The following UNC80 variants were observed in gnomAD, a reference collection of about 807,000 sequenced individuals.
UNC80 encodes the protein protein unc-80 homolog.
In UNC80, 164 loss-of-function variants were observed where a neutral mutation model predicts 384.6. The ratio of observed to expected loss-of-function variants is 0.43; its 90% confidence interval spans 0.38 to 0.49. The LOEUF is 0.49. Ranked by LOEUF, UNC80 falls within the 20% of genes least tolerant of loss-of-function variation. The pLI is 0.00. For synonymous variants in UNC80, 1,486 were observed against 1,527.8 expected (o/e 0.97, Z 0.64); for missense variants, 3,330 against 4,143.0 (o/e 0.80, Z 5.39).
At chr2:209,990,197 CTT>C (rs1315227494) in intron 61 of UNC80, among the ~76,000 whole-genome samples, 2 of 152,152 alleles carry the variant, frequency 1.3e-5, no homozygotes, top group Non-Finnish European at 2.9e-5. Flanking sequence ...ACATGCATTT[CTT>C]TTCTTTTCTT....
At chr2:209,960,450 ATTGT>A (rs969454776) in intron 51 of UNC80, among the ~76,000 whole-genome samples, 1 of 152,150 alleles carries the variant, frequency 6.6e-6, no homozygotes, top group African/African-American at 2.4e-5. Context: ...CAGATTTGTA[ATTGT>A]TTGTTAAGGG....
rs959290440 is a variant in UNC80 at position 209,782,584 on chromosome 2, G to C, written c.601-3482G>C. Reference sequence around the variant, plus strand: ...GTTTGTAGGAATTATCATTGTACCCGTGGTAGCTAACATAGTATCTGTGTT... The same window carrying C: ...GTTTGTAGGAATTATCATTGTACCCCTGGTAGCTAACATAGTATCTGTGTT... On this transcript the variant is annotated intron_variant, in intron 4 of 64. Coordinates refer to ENST00000673920, the MANE Select transcript of UNC80 (RefSeq NM_001371986.1). 4.7e-4 allele frequency among the ~76,000 whole-genome samples: 71 copies of C among 151,534 alleles called. 1 individual carries two copies. Among genetic ancestry groups the C allele is most frequent in the Non-Finnish European group, 1.6e-4 (11 of 67,954 alleles).
intron 31 of UNC80, among the ~76,000 whole-genome samples, chr2:209,915,419 A>C (rs575859593): frequency 3.6e-4 from 54 of 151,622 alleles, no homozygotes; most frequent in Admixed American, 1.6e-3. Context: ...AAAAAAAAAA[A>C]AAAAACAAAA....
At chr2:209,889,235 T>C (rs1397542590) in intron 26 of UNC80, among the ~76,000 whole-genome samples, 1 of 152,228 alleles carries the variant, frequency 6.6e-6, no homozygotes, top group East Asian at 1.9e-4. Flanking sequence ...ATTTTTTCAA[T>C]AGATAAGAAT....
chr2:209,976,548 A>G lies in UNC80; in HGVS notation c.8772+245A>G, dbSNP rs991965878. Reference sequence around the variant, plus strand: ...TGTAAAACTTTGCCCGCTCCCTACTAATCATCCCCCACTCTACCCACCCAA... The same window carrying G: ...TGTAAAACTTTGCCCGCTCCCTACTGATCATCCCCCACTCTACCCACCCAA... On this transcript the variant is annotated intron_variant, in intron 57 of 64. Coordinates refer to ENST00000673920, the MANE Select transcript of UNC80 (RefSeq NM_001371986.1). This position sits in a 1 kb window ranked among gnomAD's most constrained non-coding sequence, Gnocchi z 4.3. Among the ~76,000 whole-genome samples, 1 of 152,166 alleles carries G rather than the reference A, an allele frequency of 6.6e-6. No individual in the cohort carries two copies. Among genetic ancestry groups the G allele is most frequent in the African/African-American group, 2.4e-5 (1 of 41,446 alleles).
At chr2:209,908,857 A>G (rs2088584572) in intron 29 of UNC80, among the ~76,000 whole-genome samples, 1 of 152,196 alleles carries the variant, frequency 6.6e-6, no homozygotes, top group Non-Finnish European at 1.5e-5. Flanking sequence ...TAAAGAGTCT[A>G]GGTTACCTTT....
intron 33 of UNC80, among the ~76,000 whole-genome samples, chr2:209,920,211 A>G (rs1334753177): frequency 1.3e-5 from 2 of 152,146 alleles, no homozygotes; most frequent in East Asian, 3.8e-4. Context: ...TCTACCTTTC[A>G]ACATAGGAAA....
intron 42 of UNC80, among the ~76,000 whole-genome samples, chr2:209,937,863 G>A (rs954000132): frequency 6.6e-6 from 1 of 152,012 alleles, no homozygotes; most frequent in African/African-American, 2.4e-5. Context: ...ATGAATTATT[G>A]AGTATAAATA....
chr2:209,829,579 C>G (rs1041481652), intron 15 of UNC80, among the ~76,000 whole-genome samples, 200 bp downstream of exon 15: 2 of 152,130 alleles, frequency 1.3e-5, no homozygotes, highest in African/African-American at 4.8e-5. Flanking sequence ...TGGAGGCTTT[C>G]TGAGGACAAC....
At chr2:209,912,330 T>G (rs2124941026) in intron 29 of UNC80, among the ~76,000 whole-genome samples, 1 of 152,284 alleles carries the variant, frequency 6.6e-6, no homozygotes, top group East Asian at 1.9e-4. Flanking sequence ...TCCTCAAAGG[T>G]CAAAGAGGAA....
chr2:209,818,501 C>A (rs1255509743), intron 11 of UNC80, among the ~76,000 whole-genome samples: 1 of 151,806 alleles, frequency 6.6e-6, no homozygotes, highest in Non-Finnish European at 1.5e-5. Flanking sequence ...AAATTTAGTC[C>A]CTCTTTGATC....
chr2:209,955,413 A>T (rs1030570186), intron 48 of UNC80, among the ~76,000 whole-genome samples: 24 of 151,962 alleles, frequency 1.6e-4, no homozygotes, highest in Non-Finnish European at 2.9e-4. Flanking sequence ...TATTGCCCAA[A>T]AGCCTTCTGT....
chr2:209,973,191 C>T lies in UNC80; in HGVS notation c.8508C>T (p.His2836=). The stretch of plus-strand genomic sequence containing the variant: ...TCATGTTAGAGAGCTCCCCAGCCCA[C>T]TGCTCCACCCCTGGGGATGCGGGGA... ...KNFMLESSPA[H]CSTPGDAGKD... Residue 2836 remains histidine, a synonymous_variant, in exon 56 of 65, where the codon CAC becomes CAT. Transcript: ENST00000673920. 6.4e-7 allele frequency: 1 copy of T among 1,551,704 alleles called. No individual in the cohort carries two copies. Among genetic ancestry groups the T allele is most frequent in the Non-Finnish European group, 8.7e-7 (1 of 1,147,010 alleles).
At chr2:209,807,715 C>T (rs1447830226) in intron 7 of UNC80, among the ~76,000 whole-genome samples, 1 of 152,104 alleles carries the variant, frequency 6.6e-6, no homozygotes, top group Non-Finnish European at 1.5e-5. Context: ...ACATGTTAGT[C>T]TGCTGGTTAA....
rs770458888 is a variant in UNC80 at position 209,877,995 on chromosome 2, T to C, written c.3882T>C (p.Ser1294=). The change falls in exon 24 of 65, where the codon AGT becomes AGC. Residue 1294 remains serine, a synonymous_variant. Transcript: ENST00000673920. ...VRLNELCHGE[S]ESPANLLGLI... ...TGAATGAGCTGTGCCACGGGGAAAG[T>C]GAGAGCCCAGCCAACCTGCTGGGTC... is the stretch of plus-strand genomic sequence containing the variant. 215 of 1,543,396 alleles carry C rather than the reference T, an allele frequency of 1.4e-4. No homozygotes were observed. The highest frequency in any genetic ancestry group is 8.2e-4 in the Admixed American group (41 of 49,742).
intron 26 of UNC80, among the ~76,000 whole-genome samples, chr2:209,892,202 C>A (rs1452128619): frequency 6.6e-6 from 1 of 151,942 alleles, no homozygotes; most frequent in Non-Finnish European, 1.5e-5. Flanking sequence ...TTACATTAGT[C>A]CAGGGAAAAG....
chr2:209,862,695 T>C (rs9630978), intron 22 of UNC80, among the ~76,000 whole-genome samples: 74,671 of 141,592 alleles, frequency 0.53, 20,166 homozygotes, highest in South Asian at 0.63. Flanking sequence ...GTAAATTTTC[T>C]ACCATCTCTT....
intron 39 of UNC80, 130 bp downstream of exon 39, chr2:209,934,135 A>G (rs2124969963): frequency 1.1e-6 from 1 of 904,360 alleles, no homozygotes; most frequent in Non-Finnish European, 1.6e-6. Context: ...GAGTGCTTCA[A>G]AGAATTTTTG....
At chr2:209,986,739 T>C (rs2093297863) in intron 61 of UNC80, among the ~76,000 whole-genome samples, 1 of 152,210 alleles carries the variant, frequency 6.6e-6, no homozygotes, top group Non-Finnish European at 1.5e-5. Context: ...GAAATAATTC[T>C]AATAGCACAG....
Sources: gnomAD v4.1 joint callset for allele counts (sites outside exome capture counted in the v4.1 genomes callset) on GRCh38, gnomAD v4.1.1 for gene constraint, Gnocchi (gnomAD v3.1) non-coding constraint, MANE v1.5 for transcripts, NCBI Gene and HGNC (gene_info 2026-07-23, HGNC 2026-07-21) for gene names.